Variants in EPS15 observed in about 807,000 individuals in gnomAD.
EPS15 encodes epidermal growth factor receptor substrate 15.
EPS15 carries 72 observed loss-of-function variants against 113.8 expected under a neutral mutation model. That is an observed-to-expected ratio of 0.63 (90% confidence interval 0.52 to 0.77). The LOEUF (loss-of-function observed/expected upper bound fraction) is 0.77, where lower values mean the gene tolerates loss of function less well. Among genes scored for constraint, EPS15 ranks in the 30% least tolerant of loss-of-function variants. The probability of loss-of-function intolerance (pLI) is 0.00; values close to 1 mark genes in which losing one functional copy is unlikely to be tolerated. For missense variants in EPS15, 1,048 were observed against 1,045.8 expected (o/e 1.00, Z -0.03); for synonymous variants, 344 against 363.4 (o/e 0.95, Z 0.61).
At chr1:51,477,329 T>C (rs1233590630) in intron 2 of EPS15, among the ~76,000 whole-genome samples, 1 of 152,182 alleles carries the variant, frequency 6.6e-6, no homozygotes, top group Non-Finnish European at 1.5e-5. Context: ...TTGTGTCTAT[T>C]TGATTCTTCT....
chr1:51,399,179 G>C lies in EPS15; in HGVS notation c.1919-14C>G. 1 of 1,611,162 alleles carries C rather than the reference G, an allele frequency of 6.2e-7. No individual in the cohort carries two copies. Among genetic ancestry groups the C allele is most frequent in the Non-Finnish European group, 8.5e-7 (1 of 1,178,660 alleles). On this transcript the variant is annotated splice_polypyrimidine_tract_variant and intron_variant, in intron 19 of 24. Coordinates refer to ENST00000371733, the MANE Select transcript of EPS15 (RefSeq NM_001981.3). Reference sequence around the variant, plus strand: ...CACCAAATGGATCTAAAAAAATAAGGCACGAATATAAGAGACAAAAAAAAA... The same window carrying C: ...CACCAAATGGATCTAAAAAAATAAGCCACGAATATAAGAGACAAAAAAAAA...
chr1:51,433,311 C>T (rs1253580174), intron 12 of EPS15, among the ~76,000 whole-genome samples: 2 of 152,234 alleles, frequency 1.3e-5, no homozygotes, highest in Non-Finnish European at 2.9e-5. Context: ...ATGATAAATA[C>T]TAACATGTAT....
chr1:51,431,717 G>A (rs1399710888), intron 12 of EPS15, among the ~76,000 whole-genome samples: 4 of 152,080 alleles, frequency 2.6e-5, no homozygotes, highest in Admixed American at 6.6e-5. Context: ...AAAGTGCTGG[G>A]ATTACAGGCG....
At position 51,364,615 on chromosome 1, in the gene EPS15, C is replaced by T. The variant is rs74398166; in HGVS notation, c.2197-587G>A. Among the ~76,000 whole-genome samples, 1,392 of 152,096 alleles carry T rather than the reference C, an allele frequency of 9.2e-3. 6 individuals are homozygous for T. The highest frequency in any genetic ancestry group is 0.017 in the Middle Eastern group (5 of 294). On this transcript the variant is annotated intron_variant, in intron 22 of 24. Coordinates refer to ENST00000371733, the MANE Select transcript of EPS15 (RefSeq NM_001981.3). ...GCTCTAGGGATCCTCCTGCCTCAGC[C>T]TCTCGAATAGCTAGGACTACAGGTG...
At chr1:51,391,532 C>T (rs1362379560) in intron 21 of EPS15, among the ~76,000 whole-genome samples, 1 of 151,980 alleles carries the variant, frequency 6.6e-6, no homozygotes, top group African/African-American at 2.4e-5. Flanking sequence ...ATCATGTGAA[C>T]ATACGGAGAA....
intron 1 of EPS15, among the ~76,000 whole-genome samples, chr1:51,515,787 A>G (rs577489751): frequency 2.9e-4 from 44 of 152,360 alleles, no homozygotes; most frequent in East Asian, 2.1e-3. Context: ...TACATAGAGA[A>G]GAACAGTGAA....
At chr1:51,497,831 G>A (rs780212365) in intron 1 of EPS15, among the ~76,000 whole-genome samples, 9 of 151,974 alleles carry the variant, frequency 5.9e-5, no homozygotes, top group Non-Finnish European at 1.0e-4. Context: ...ACAAAAATTC[G>A]CTGGGCATGG....
chr1:51,421,083 C>G (rs1360018875), intron 13 of EPS15, among the ~76,000 whole-genome samples: 1 of 152,130 alleles, frequency 6.6e-6, no homozygotes, highest in African/African-American at 2.4e-5. Context: ...GCTTACTGCT[C>G]TAAGTGAGGC....
At chr1:51,395,509 C>A (rs1054658724) in intron 20 of EPS15, among the ~76,000 whole-genome samples, 2 of 147,716 alleles carry the variant, frequency 1.4e-5, no homozygotes, top group Non-Finnish European at 1.5e-5. Flanking sequence ...AACACATATA[C>A]ACACATACAC....
intron 1 of EPS15, among the ~76,000 whole-genome samples, chr1:51,486,422 T>C (rs1221077232): frequency 9.4e-5 from 2 of 21,282 alleles, no homozygotes; most frequent in Non-Finnish European, 1.8e-4. Flanking sequence ...CGAGACTGCA[T>C]CTCAAAAAAA....
At chr1:51,386,440 T>C (rs1351154138) in intron 21 of EPS15, among the ~76,000 whole-genome samples, 1 of 152,214 alleles carries the variant, frequency 6.6e-6, no homozygotes, top group East Asian at 1.9e-4. Flanking sequence ...TTAAGATTTG[T>C]CAGCGGTCAG....
chr1:51,382,855 T>C (rs1384238600), intron 21 of EPS15, among the ~76,000 whole-genome samples: 2 of 152,230 alleles, frequency 1.3e-5, no homozygotes, highest in Non-Finnish European at 2.9e-5. Context: ...TTCCAAAAAA[T>C]TGAAGAGGCA....
intron 11 of EPS15, among the ~76,000 whole-genome samples, chr1:51,441,632 A>G (rs1652604566): frequency 6.6e-6 from 1 of 152,090 alleles, no homozygotes; most frequent in South Asian, 2.1e-4. Context: ...CCATCTCCTC[A>G]TATTTATATA....
chr1:51,383,498 A>T (rs1426538543), intron 21 of EPS15, among the ~76,000 whole-genome samples: 1 of 152,206 alleles, frequency 6.6e-6, no homozygotes, highest in East Asian at 1.9e-4. Flanking sequence ...CAGGTGTTAG[A>T]TTCTCATAAG....
Position 51,501,764 on chromosome 1 carries a change from C to T in EPS15, c.33+17435G>A, listed in dbSNP as rs528017431. On this transcript the variant is annotated intron_variant, in intron 1 of 24. Coordinates refer to ENST00000371733, the MANE Select transcript of EPS15 (RefSeq NM_001981.3). ...AAAGTGCTGGGATTACAGGTGAGAG[C>T]GGCTGCACCCTGCCACATTATTAAT... is the stretch of plus-strand genomic sequence containing the variant. Among the ~76,000 whole-genome samples, 514 of 152,188 alleles carry T rather than the reference C, an allele frequency of 3.4e-3. 1 individual carries two copies. The highest frequency in any genetic ancestry group is 0.012 in the African/African-American group (494 of 41,522).
chr1:51,443,303 G>GA (rs879388739), intron 11 of EPS15, among the ~76,000 whole-genome samples: 2,238 of 132,220 alleles, frequency 0.017, 22 homozygotes, highest in Non-Finnish European at 0.025. Context: ...GAAGAAGGCA[G>GA]AAAAAAAAAA....
At chr1:51,471,668 C>A in intron 4 of EPS15, 22 bp downstream of exon 4, 1 of 1,571,958 alleles carries the variant, frequency 6.4e-7, no homozygotes, top group Non-Finnish European at 8.7e-7. Context: ...AAAAAAAAAT[C>A]ATATGAATAT....
At chr1:51,498,550 T>C (rs1304430223) in intron 1 of EPS15, among the ~76,000 whole-genome samples, 6 of 152,342 alleles carry the variant, frequency 3.9e-5, no homozygotes, top group Admixed American at 3.9e-4. Context: ...TCTAAGCACA[T>C]TTAGGGTAGG....
chr1:51,417,000 A>ATT (rs1327765435), intron 13 of EPS15, among the ~76,000 whole-genome samples: 10 of 152,078 alleles, frequency 6.6e-5, no homozygotes, highest in Admixed American at 6.6e-4. Flanking sequence ...TGTTTAAGTC[A>ATT]ATGAACAGAA....
Sources: allele counts gnomAD v4.1 joint callset (sites outside exome capture counted in the v4.1 genomes callset), GRCh38; gene constraint gnomAD v4.1.1; transcripts MANE v1.5; gene names NCBI Gene and HGNC (gene_info 2026-07-23, HGNC 2026-07-21).